The following GPHN variants were observed in gnomAD, a reference collection of about 807,000 sequenced individuals.
GPHN encodes the protein gephyrin.
In GPHN, 17 loss-of-function variants were observed where a neutral mutation model predicts 95.5. The ratio of observed to expected loss-of-function variants is 0.18; its 90% CI spans 0.12 to 0.27. The LOEUF is 0.27. Among genes scored for constraint, GPHN ranks in the 10% least tolerant of loss-of-function variants. The pLI, the probability that GPHN is intolerant of heterozygous loss-of-function variation, is 1.00. For missense variants in GPHN, 660 were observed against 978.1 expected, an observed-to-expected ratio of 0.67 and a Z score of 4.34; for synonymous variants, 320 against 322.5, an observed-to-expected ratio of 0.99 and a Z score of 0.08.
At chr14:67,612,710 G>T in the GPHN span, among the ~76,000 whole-genome samples, 1 of 152,168 alleles carries the variant, frequency 6.6e-6, no homozygotes, top group African/African-American at 2.4e-5. Flanking sequence ...GCCAAGGTGG[G>T]CAGATAACTG....
the GPHN span, chr14:67,714,855 C>A: frequency 6.6e-6 from 1 of 152,300 alleles, no homozygotes; most frequent in Admixed American, 6.5e-5. Flanking sequence ...CTCAAGATTG[C>A]AGAGGCAAAC....
chr14:66,742,662 A>G (rs1017778016), intron 2 of GPHN, among the ~76,000 whole-genome samples: 5 of 151,844 alleles, frequency 3.3e-5, no homozygotes, highest in Admixed American at 6.6e-5. Flanking sequence ...TTAAAATACT[A>G]TTTTTCTTCC....
At chr14:67,304,858 C>A in the GPHN span, among the ~76,000 whole-genome samples, 25 of 152,232 alleles carry the variant, frequency 1.6e-4, no homozygotes, top group African/African-American at 5.8e-4. Flanking sequence ...TGATGTATTG[C>A]ATCTGTTATT....
the GPHN span, among the ~76,000 whole-genome samples, chr14:67,536,831 T>C: frequency 6.6e-6 from 1 of 151,700 alleles, no homozygotes; most frequent in Admixed American, 6.6e-5. Context: ...TCACCTGAGG[T>C]CAGGAGTTTG....
chr14:67,293,860 G>A, the GPHN span, among the ~76,000 whole-genome samples: 1 of 152,100 alleles, frequency 6.6e-6, no homozygotes, highest in Non-Finnish European at 1.5e-5. Context: ...CTGGGTCCTT[G>A]TTTTGCTAAA....
chr14:67,176,688 T>A (rs886670683), intron 21 of GPHN, among the ~76,000 whole-genome samples: 6 of 152,212 alleles, frequency 3.9e-5, no homozygotes, highest in Non-Finnish European at 8.8e-5. Flanking sequence ...AGAATTCGGC[T>A]GTGAGTCCTT....
rs114523920 is a variant in GPHN at position 67,153,730 on chromosome 14, A to G, written c.1837-5685A>G. 5.5e-3 allele frequency among the ~76,000 whole-genome samples: 840 copies of G among 152,272 alleles called. 3 individuals are homozygous for G. The highest frequency in any genetic ancestry group is 0.019 in the African/African-American group (802 of 41,544). On this transcript the variant is annotated intron_variant, in intron 18 of 22. Transcript: ENST00000478722. ...TCTGCCCATTTCAAAGTTTTGCACAATTTTTCTGACCACTGGTGTTTCTCC... is the reference window on the plus strand; with the variant it reads ...TCTGCCCATTTCAAAGTTTTGCACAGTTTTTCTGACCACTGGTGTTTCTCC...
chr14:67,338,443 A>G, the GPHN span: 1 of 661,572 alleles, frequency 1.5e-6, no homozygotes, highest in South Asian at 2.5e-5. Flanking sequence ...CATCCATGAT[A>G]AATGGTTGCT....
chr14:67,022,608 T>TGTGTA lies in GPHN; in HGVS notation c.964-1025_964-1024insGTGTA, dbSNP rs1319488184. Among the ~76,000 whole-genome samples the TGTGTA allele has an allele frequency of 6.6e-4, 93 of 140,996 alleles. 1 individual carries two copies. The highest frequency in any genetic ancestry group is 2.4e-3 in the African/African-American group (90 of 37,918). 92.5% of individuals were successfully genotyped at this position (140,996 alleles called of 152,430 possible). On this transcript the variant is annotated intron_variant, in intron 9 of 22. Transcript: ENST00000478722. ...GTGTGTGTGTGTGTGTGTGTGTGTA[T>TGTGTA]TTTTCTTGTATGTATGTTTGTGACT...
the GPHN span, chr14:67,317,436 AAAG>A: frequency 1.2e-6 from 2 of 1,612,530 alleles, no homozygotes; most frequent in Non-Finnish European, 1.7e-6. Flanking sequence ...AGAAGAATAA[AAAG>A]AAGAGGAAAA....
the GPHN span, chr14:67,659,897 C>T: frequency 6.8e-5 from 109 of 1,613,720 alleles, 1 homozygote; most frequent in South Asian, 1.1e-3. Context: ...GGGTGCATAA[C>T]GTAGCTCCTC....
chr14:67,225,952 T>C, the GPHN span, among the ~76,000 whole-genome samples: 2 of 139,070 alleles, frequency 1.4e-5, no homozygotes, highest in African/African-American at 5.8e-5. Flanking sequence ...TGTGTGTGTG[T>C]GTGTGTGTGT....
chr14:66,818,340 A>T (rs1325184076), intron 3 of GPHN, among the ~76,000 whole-genome samples: 1 of 152,072 alleles, frequency 6.6e-6, no homozygotes, highest in African/African-American at 2.4e-5. Flanking sequence ...CTTCTTAGTC[A>T]CAACAAGTGG....
At chr14:67,697,304 A>G in the GPHN span, among the ~76,000 whole-genome samples, 1 of 152,212 alleles carries the variant, frequency 6.6e-6, no homozygotes, top group African/African-American at 2.4e-5. Context: ...GGAGAGGCTT[A>G]TTTGAGGAAA....
the GPHN span, among the ~76,000 whole-genome samples, chr14:67,420,906 C>T: frequency 6.6e-6 from 1 of 152,242 alleles, no homozygotes; most frequent in African/African-American, 2.4e-5. Context: ...AGAGAGCAGG[C>T]TCTGGATCTG....
intron 9 of GPHN, among the ~76,000 whole-genome samples, chr14:66,967,690 G>T (rs563983443): frequency 6.6e-6 from 1 of 151,738 alleles, no homozygotes; most frequent in South Asian, 2.1e-4. Flanking sequence ...AAATAAACAG[G>T]TAGATAATAA....
the GPHN span, among the ~76,000 whole-genome samples, chr14:67,553,402 C>A: frequency 6.6e-6 from 1 of 152,078 alleles, no homozygotes; most frequent in African/African-American, 2.4e-5. Context: ...AAACCCAACT[C>A]TGTCTGGCTT....
chr14:67,267,531 A>G, the GPHN span, among the ~76,000 whole-genome samples: 1 of 152,270 alleles, frequency 6.6e-6, no homozygotes, highest in Non-Finnish European at 1.5e-5. Flanking sequence ...GATTATAGGC[A>G]TGAGCCACTG....
chr14:67,279,683 GC>G, the GPHN span: 1 of 719,656 alleles, frequency 1.4e-6, no homozygotes, highest in Non-Finnish European at 2.1e-6. Flanking sequence ...TCGTGGAAAC[GC>G]CGTATAACTA....
Sources: gnomAD v4.1 joint callset for allele counts (sites outside exome capture counted in the v4.1 genomes callset) on GRCh38, gnomAD v4.1.1 for gene constraint, MANE v1.5 for transcripts, NCBI Gene and HGNC (gene_info 2026-07-23, HGNC 2026-07-21) for gene names.